WWC2: variants seen among roughly 807,000 people sequenced by gnomAD.
The protein encoded by WWC2 is protein WWC2.
Under a neutral mutation model 138.5 loss-of-function variants are expected in WWC2, and 101 were observed. The observed-to-expected ratio is 0.73, with a 90% confidence interval of 0.62 to 0.86. The LOEUF is 0.86. Ranked by LOEUF, WWC2 falls within the 40% of genes least tolerant of loss-of-function variation. The probability of loss-of-function intolerance (pLI) is 0.00; values close to 1 mark genes in which losing one functional copy is unlikely to be tolerated. For synonymous variants in WWC2, 558 were observed against 538.4 expected (o/e 1.04, Z -0.50); for missense variants, 1,420 against 1,419.4 (o/e 1.00, Z -0.01).
At chr4:183,217,484 A>G (rs1036042886) in intron 4 of WWC2, among the ~76,000 whole-genome samples, 1 of 152,226 alleles carries the variant, frequency 6.6e-6, no homozygotes, top group Non-Finnish European at 1.5e-5. Flanking sequence ...CAAAAAGAAG[A>G]AATGACAGGT....
At chr4:183,267,041 T>A (rs974473090) in intron 14 of WWC2, among the ~76,000 whole-genome samples, 1 of 152,064 alleles carries the variant, frequency 6.6e-6, no homozygotes. Context: ...TTCTTTTTTT[T>A]TTTTTAAGAG....
intron 1 of WWC2, among the ~76,000 whole-genome samples, chr4:183,191,447 A>G (rs1734989393): frequency 6.6e-6 from 1 of 152,150 alleles, no homozygotes; most frequent in South Asian, 2.1e-4. Context: ...TCTCATCTAA[A>G]CTTAATCTTT....
At chr4:183,250,124 T>C in intron 8 of WWC2, 131 bp downstream of exon 8, 2 of 739,796 alleles carry the variant, frequency 2.7e-6, no homozygotes, top group Non-Finnish European at 4.4e-6. Flanking sequence ...GGTTTTAGCA[T>C]GTCAGGGCTG....
intron 1 of WWC2, among the ~76,000 whole-genome samples, chr4:183,134,510 C>G (rs1478079370): frequency 6.6e-6 from 1 of 152,074 alleles, no homozygotes; most frequent in Non-Finnish European, 1.5e-5. Context: ...TCTTTTACCC[C>G]TAACTATTTA....
At chr4:183,242,778 A>G (rs1263376142) in intron 5 of WWC2, among the ~76,000 whole-genome samples, 1 of 152,238 alleles carries the variant, frequency 6.6e-6, no homozygotes, top group Admixed American at 6.5e-5. Context: ...TCCAAAAGAA[A>G]TTTTAAGAAA....
intron 22 of WWC2, 132 bp from the exon 23 acceptor site, chr4:183,315,531 C>T (rs914978871): frequency 6.7e-5 from 40 of 593,314 alleles, no homozygotes; most frequent in Middle Eastern, 2.7e-4. Flanking sequence ...TGGAGTTCTG[C>T]GTAAGGAAAA....
intron 1 of WWC2, among the ~76,000 whole-genome samples, chr4:183,164,297 TA>T (rs1734051257): frequency 1.2e-4 from 1 of 8,464 alleles, no homozygotes; most frequent in African/African-American, 4.2e-4. Flanking sequence ...TATATATATA[TA>T]TACATATATA....
At chr4:183,228,809 T>C (rs1736152157) in intron 4 of WWC2, among the ~76,000 whole-genome samples, 1 of 152,028 alleles carries the variant, frequency 6.6e-6, no homozygotes, top group African/African-American at 2.4e-5. Context: ...GTGTTTGTAG[T>C]GTGTAGCCTG....
At position 183,316,242 on chromosome 4, in the gene WWC2, T is replaced by G. The variant is rs974038869; in HGVS notation, c.*513T>G. ...GCAGCGTTCCAAAGTCCGCCCGAAA[T>G]GGATGCTGCGTCCACGGCCATCACC... is the stretch of plus-strand genomic sequence containing the variant. On this transcript the variant is annotated 3_prime_UTR_variant, in exon 23 of 23. Transcript: ENST00000403733. 4 of 154,034 alleles carry G rather than the reference T, an allele frequency of 2.6e-5. No individual in the cohort carries two copies. Among genetic ancestry groups the G allele is most frequent in the Middle Eastern group, 3.4e-3 (1 of 294 alleles). The allele number at this position is 154,034 out of a possible 1,614,324, so 9.5% of individuals were successfully genotyped here.
chr4:183,181,941 A>G (rs147617002), intron 1 of WWC2, among the ~76,000 whole-genome samples: 2 of 152,218 alleles, frequency 1.3e-5, no homozygotes, highest in Non-Finnish European at 2.9e-5. Flanking sequence ...TATAAAATGT[A>G]TATTTTTAAG....
At chr4:183,206,388 T>A (rs1387187911) in intron 2 of WWC2, among the ~76,000 whole-genome samples, 1 of 152,192 alleles carries the variant, frequency 6.6e-6, no homozygotes, top group East Asian at 1.9e-4. Context: ...TTGTGTTTGC[T>A]GTTGTTGGGA....
At chr4:183,134,126 A>G (rs1263381262) in intron 1 of WWC2, among the ~76,000 whole-genome samples, 1 of 152,114 alleles carries the variant, frequency 6.6e-6, no homozygotes, top group African/African-American at 2.4e-5. Context: ...TAATCTATAT[A>G]ACATCTGTTG....
intron 21 of WWC2, among the ~76,000 whole-genome samples, chr4:183,309,839 TAAGTA>T (rs1055096683): frequency 6.6e-6 from 1 of 152,218 alleles, no homozygotes; most frequent in African/African-American, 2.4e-5. Flanking sequence ...GGTGAATGGT[TAAGTA>T]AACTGGTATA....
chr4:183,139,550 C>T (rs554395243), intron 1 of WWC2, among the ~76,000 whole-genome samples: 1 of 152,136 alleles, frequency 6.6e-6, no homozygotes, highest in South Asian at 2.1e-4. Context: ...TTTCCTCTTG[C>T]CATTTGCCAA....
chr4:183,114,218 A>G (rs1732340852), intron 1 of WWC2, among the ~76,000 whole-genome samples: 2 of 152,116 alleles, frequency 1.3e-5, no homozygotes, highest in African/African-American at 4.8e-5. Context: ...TGCTCTGGCC[A>G]TATGATGTGC....
chr4:183,280,974 G>T (rs1463594177), intron 17 of WWC2, 77 bp downstream of exon 17: 1 of 1,473,844 alleles, frequency 6.8e-7, no homozygotes, highest in East Asian at 2.5e-5. Flanking sequence ...ACCTTTGTAG[G>T]CTCATGCTTT....
At chr4:183,294,315 A>G (rs189425641) in intron 21 of WWC2, among the ~76,000 whole-genome samples, 1 of 152,328 alleles carries the variant, frequency 6.6e-6, no homozygotes, top group Admixed American at 6.5e-5. Context: ...GCAGTTAATG[A>G]AAAAGTAAAG....
chr4:183,267,033 C>CTT (rs879666630), intron 14 of WWC2, among the ~76,000 whole-genome samples: 1 of 142,388 alleles, frequency 7.0e-6, no homozygotes. Flanking sequence ...TAGTGGCTTT[C>CTT]TTTTTTTTTT....
chr4:183,270,010 A>C (rs1737649133), intron 15 of WWC2: 1 of 152,298 alleles, frequency 6.6e-6, no homozygotes, highest in African/African-American at 2.4e-5. Context: ...TGGGAAGCAC[A>C]GAAACACATG....
Sources: gnomAD v4.1 joint callset for allele counts (sites outside exome capture counted in the v4.1 genomes callset) on GRCh38, gnomAD v4.1.1 for gene constraint, MANE v1.5 for transcripts, NCBI Gene and HGNC (gene_info 2026-07-23, HGNC 2026-07-21) for gene names.